Variants in COL11A1 observed in about 807,000 individuals in gnomAD.
The protein encoded by COL11A1 is collagen alpha-1(XI) chain.
In COL11A1, 74 loss-of-function variants were observed where a neutral mutation model predicts 265.2. The ratio of observed to expected loss-of-function variants is 0.28; its 90% CI spans 0.23 to 0.34. COL11A1 has a LOEUF of 0.34. Ranked by LOEUF, COL11A1 falls within the 10% of genes least tolerant of loss-of-function variation. The pLI, the probability that COL11A1 is intolerant of heterozygous loss-of-function variation, is 1.00. For missense variants in COL11A1, 2,165 were observed against 2,263.6 expected, an observed-to-expected ratio of 0.96 and a Z score of 0.88; for synonymous variants, 816 against 727.6, an observed-to-expected ratio of 1.12 and a Z score of -1.96.
chr1:103,079,209 C>G (rs1337185), intron 2 of COL11A1, among the ~76,000 whole-genome samples: 23,130 of 152,016 alleles, frequency 0.15, 1,888 homozygotes, highest in Non-Finnish European at 0.16. Context: ...TAATTTTGGC[C>G]TAAAGTTTGT....
At chr1:103,085,362 A>G (rs1672764405) in intron 1 of COL11A1, among the ~76,000 whole-genome samples, 1 of 152,090 alleles carries the variant, frequency 6.6e-6, no homozygotes, top group South Asian at 2.1e-4. Flanking sequence ...ACACCATCTC[A>G]TGGTAGGGCA....
chr1:102,914,894 G>T, intron 50 of COL11A1, 83 bp from the exon 51 acceptor site: 1 of 1,059,118 alleles, frequency 9.4e-7, no homozygotes, highest in Non-Finnish European at 1.4e-6. Context: ...TATTAACCTT[G>T]GCACACTGGG....
At chr1:103,067,652 A>T (rs1468656964) in intron 4 of COL11A1, among the ~76,000 whole-genome samples, 1 of 151,722 alleles carries the variant, frequency 6.6e-6, no homozygotes, top group Non-Finnish European at 1.5e-5. Context: ...GTGACAATTA[A>T]CAGAGCCTGA....
chr1:102,938,607 C>A (rs997224917), intron 44 of COL11A1, among the ~76,000 whole-genome samples: 9 of 151,924 alleles, frequency 5.9e-5, no homozygotes, highest in African/African-American at 2.2e-4. Flanking sequence ...TTTGAATGAA[C>A]AACCAAAATT....
intron 38 of COL11A1, 43 bp downstream of exon 38, chr1:102,965,444 C>T (rs1661317111): frequency 6.4e-7 from 1 of 1,571,554 alleles, no homozygotes; most frequent in Non-Finnish European, 8.8e-7. Context: ...AAAATGTAAA[C>T]AAAAAATAAA....
intron 5 of COL11A1, 41 bp downstream of exon 5, chr1:103,031,075 C>T (rs777913738): frequency 6.2e-7 from 1 of 1,611,028 alleles, no homozygotes; most frequent in East Asian, 2.2e-5. Context: ...ATGTCCATAT[C>T]ACTGAAATAC....
At chr1:102,927,972 G>C (rs1032978719) in intron 46 of COL11A1, among the ~76,000 whole-genome samples, 1 of 152,072 alleles carries the variant, frequency 6.6e-6, no homozygotes, top group African/African-American at 2.4e-5. Context: ...TTTCTCCGGG[G>C]AAAGGAAGCG....
intron 31 of COL11A1, among the ~76,000 whole-genome samples, chr1:102,982,623 A>G (rs1448640743): frequency 6.6e-6 from 1 of 152,102 alleles, no homozygotes; most frequent in Non-Finnish European, 1.5e-5. Context: ...TTATGCCTGT[A>G]TTATTTTTAA....
intron 13 of COL11A1, among the ~76,000 whole-genome samples, chr1:103,014,241 A>C (rs1666368930): frequency 6.6e-6 from 1 of 152,234 alleles, no homozygotes; most frequent in Middle Eastern, 3.4e-3. Context: ...CTTGGGAAAA[A>C]AAAATAGAAA....
intron 4 of COL11A1, among the ~76,000 whole-genome samples, chr1:103,042,525 G>C (rs979672924): frequency 6.6e-6 from 1 of 152,016 alleles, no homozygotes; most frequent in Admixed American, 6.6e-5. Flanking sequence ...TGCATCACCA[G>C]ACTCTCCCGC....
chr1:102,995,930 T>G, intron 27 of COL11A1, 22 bp from the exon 28 acceptor site: 2 of 1,612,174 alleles, frequency 1.2e-6, no homozygotes, highest in Non-Finnish European at 1.7e-6. Flanking sequence ...ATTAGAAGTA[T>G]TAAGTGAATA....
At chr1:102,998,490 A>C (rs1664836523) in intron 24 of COL11A1, 127 bp from the exon 25 acceptor site, 4 of 550,346 alleles carry the variant, frequency 7.3e-6, no homozygotes, top group Middle Eastern at 5.2e-4. Context: ...TAACCATTTA[A>C]ATAACTTTTA....
chr1:102,878,246 G>A (rs1649746400), intron 66 of COL11A1, 81 bp from the exon 67 acceptor site: 2 of 1,276,016 alleles, frequency 1.6e-6, no homozygotes, highest in South Asian at 1.4e-5. Flanking sequence ...GGGCTTCTGA[G>A]TGGAGGTAAG....
At chr1:102,927,619 G>A (rs1176623431) in intron 46 of COL11A1, among the ~76,000 whole-genome samples, 3 of 151,802 alleles carry the variant, frequency 2.0e-5, no homozygotes, top group Non-Finnish European at 2.9e-5. Flanking sequence ...CTGCAGCCTG[G>A]GTGACAGCGT....
At chr1:102,966,726 T>A (rs114127268) in intron 37 of COL11A1, among the ~76,000 whole-genome samples, 5,084 of 141,060 alleles carry the variant, frequency 0.036, 119 homozygotes, top group Non-Finnish European at 0.058. Context: ...AACACATATA[T>A]ACATGTGTGC....
chr1:103,008,346 A>G (rs571025257), intron 15 of COL11A1, 117 bp downstream of exon 15: 19 of 777,266 alleles, frequency 2.4e-5, no homozygotes, highest in South Asian at 2.4e-4. Flanking sequence ...ACCCTCATAC[A>G]TCAATGGAAT....
chr1:103,062,764 G>A (rs1571189251), intron 4 of COL11A1, among the ~76,000 whole-genome samples: 1 of 151,760 alleles, frequency 6.6e-6, no homozygotes, highest in Non-Finnish European at 1.5e-5. Context: ...AGTAAGACAA[G>A]AAAAGGAAAT....
rs368465064 is a variant in COL11A1, at chr1:103,082,857, G to A, written c.222C>T (p.Tyr74=). ...TGAGTTGTGCTTGCTTTGAAACTCT[G>A]TAAGCAGTATCTGAGCCTTTAGAAT... The part of the protein sequence containing the change: ...RKNSKGSDTA[Y]RVSKQAQLSA... Residue 74 remains tyrosine (Y), a synonymous_variant, in exon 2 of 67, where the codon TAC becomes TAT. Transcript: ENST00000370096. 1.9e-6 allele frequency: 3 copies of A among 1,613,564 alleles called. No individual in the cohort carries two copies. Among genetic ancestry groups the A allele is most frequent in the Non-Finnish European group, 2.5e-6 (3 of 1,179,710 alleles).
chr1:102,988,052 C>A (rs1663752847), intron 29 of COL11A1, among the ~76,000 whole-genome samples: 1 of 152,094 alleles, frequency 6.6e-6, no homozygotes, highest in East Asian at 1.9e-4. Flanking sequence ...AAATTACCAG[C>A]CATTGTTCCG....
Sources: gnomAD v4.1 joint callset for allele counts (sites outside exome capture counted in the v4.1 genomes callset) on GRCh38, gnomAD v4.1.1 for gene constraint, MANE v1.5 for transcripts, NCBI Gene and HGNC (gene_info 2026-07-23, HGNC 2026-07-21) for gene names.